Variants in ARHGEF3 observed in about 807,000 individuals in gnomAD.
ARHGEF3 encodes 59.8 kDA protein.
In ARHGEF3, 28 loss-of-function variants were observed where a neutral mutation model predicts 63.2. That is an observed-to-expected ratio of 0.44 (90% CI 0.33 to 0.61). The LOEUF is 0.61. Among genes scored for constraint, ARHGEF3 ranks in the 20% least tolerant of loss-of-function variants. The pLI is 0.03. For missense variants in ARHGEF3, 533 were observed against 659.3 expected (o/e 0.81, Z 2.10); for synonymous variants, 266 against 254.2 (o/e 1.05, Z -0.44).
chr3:56,739,489 C>T (rs2033871277), intron 7 of ARHGEF3, among the ~76,000 whole-genome samples: 1 of 150,872 alleles, frequency 6.6e-6, no homozygotes. Flanking sequence ...CAACCCCTGC[C>T]TCTTGGGCTC....
chr3:56,790,035 G>T (rs1179770948), intron 1 of ARHGEF3, among the ~76,000 whole-genome samples: 1 of 152,188 alleles, frequency 6.6e-6, no homozygotes, highest in South Asian at 2.1e-4. Context: ...GGGAAACAAT[G>T]AACTAATCCA....
At chr3:56,839,093 TG>T (rs1181232760) in intron 4 of ARHGEF3, among the ~76,000 whole-genome samples, 1 of 152,122 alleles carries the variant, frequency 6.6e-6, no homozygotes, top group Non-Finnish European at 1.5e-5. Context: ...GAGCTGTGAT[TG>T]TGCCACTGCA....
At chr3:56,823,405 T>C (rs1344142) in intron 4 of ARHGEF3, among the ~76,000 whole-genome samples, 77,541 of 151,894 alleles carry the variant, frequency 0.51, 20,195 homozygotes, top group Non-Finnish European at 0.55. Flanking sequence ...CAGCCAGGCA[T>C]ATCCTAACTG....
intron 2 of ARHGEF3, among the ~76,000 whole-genome samples, chr3:57,002,726 C>T (rs1376726504): frequency 1.3e-5 from 2 of 148,350 alleles, no homozygotes; most frequent in Non-Finnish European, 3.0e-5. Context: ...CTATTTAGCA[C>T]TTCATATATT....
intron 2 of ARHGEF3, among the ~76,000 whole-genome samples, chr3:56,969,752 C>CAAA (rs138504813): frequency 0.46 from 61,746 of 133,900 alleles, 14,647 homozygotes; most frequent in East Asian, 0.59. Flanking sequence ...GACTCCGTAT[C>CAAA]AAAAAAAAAA....
intron 3 of ARHGEF3, among the ~76,000 whole-genome samples, chr3:56,935,181 A>G (rs1207040336): frequency 2.0e-5 from 3 of 152,166 alleles, no homozygotes; most frequent in South Asian, 2.1e-4. Context: ...GGGTTTGTGA[A>G]TGCACCAATC....
At chr3:56,749,078 G>A (rs1376998202) in intron 6 of ARHGEF3, among the ~76,000 whole-genome samples, 5 of 152,038 alleles carry the variant, frequency 3.3e-5, no homozygotes, top group Non-Finnish European at 5.9e-5. Context: ...CCACTCAGAC[G>A]GACACATCTG....
At chr3:56,912,900 G>A (rs2041889069) in intron 3 of ARHGEF3, among the ~76,000 whole-genome samples, 1 of 152,222 alleles carries the variant, frequency 6.6e-6, no homozygotes, top group Admixed American at 6.5e-5. Context: ...CACTTTGGAA[G>A]GCCAAGGTGG....
chr3:56,991,085 T>C (rs58867172), intron 2 of ARHGEF3, among the ~76,000 whole-genome samples: 310 of 152,238 alleles, frequency 2.0e-3, no homozygotes, highest in African/African-American at 7.2e-3. Flanking sequence ...ATTCCTGCCA[T>C]GTCTTTTACC....
At chr3:56,787,716 C>T (rs985177059) in intron 1 of ARHGEF3, among the ~76,000 whole-genome samples, 29 of 117,330 alleles carry the variant, frequency 2.5e-4, no homozygotes, top group African/African-American at 1.2e-3. Flanking sequence ...ACAACTTCCT[C>T]TGATAATAAT....
At chr3:56,814,444 C>G (rs542403985) in intron 4 of ARHGEF3, among the ~76,000 whole-genome samples, 15 of 152,198 alleles carry the variant, frequency 9.9e-5, no homozygotes, top group African/African-American at 3.4e-4. Context: ...GTTCAAATAC[C>G]AAGTTTTCAC....
intron 2 of ARHGEF3, among the ~76,000 whole-genome samples, chr3:56,987,573 C>A (rs1022531526): frequency 2.0e-5 from 3 of 152,108 alleles, no homozygotes; most frequent in African/African-American, 7.2e-5. Flanking sequence ...CTGGGCATGC[C>A]CTTAGCTAAG....
intron 4 of ARHGEF3, among the ~76,000 whole-genome samples, chr3:56,875,783 G>C (rs558056122): frequency 3.9e-5 from 6 of 152,322 alleles, no homozygotes; most frequent in Admixed American, 3.3e-4. Flanking sequence ...TTCAGCACCT[G>C]CTACGGGCAA....
intron 8 of ARHGEF3, among the ~76,000 whole-genome samples, chr3:56,735,817 G>T (rs2033580798): frequency 6.6e-6 from 1 of 152,170 alleles, no homozygotes; most frequent in Non-Finnish European, 1.5e-5. Flanking sequence ...CCACTGGATG[G>T]ATCCACAGCA....
chr3:56,971,866 A>T (rs549141157), intron 2 of ARHGEF3, among the ~76,000 whole-genome samples: 1 of 152,066 alleles, frequency 6.6e-6, no homozygotes, highest in South Asian at 2.1e-4. Flanking sequence ...AAAATAAAAA[A>T]AAATTTTAAA....
At chr3:56,883,307 T>G (rs997875957) in intron 3 of ARHGEF3, among the ~76,000 whole-genome samples, 5 of 151,912 alleles carry the variant, frequency 3.3e-5, no homozygotes, top group South Asian at 2.1e-4. Context: ...TTTTTCTTTT[T>G]TTTTTTTTTT....
intron 2 of ARHGEF3, among the ~76,000 whole-genome samples, chr3:57,007,989 T>G (rs1702533020): frequency 6.6e-6 from 1 of 152,174 alleles, no homozygotes; most frequent in Non-Finnish European, 1.5e-5. Flanking sequence ...GTTTGTGCCA[T>G]GGTCCAGGGG....
intron 2 of ARHGEF3, among the ~76,000 whole-genome samples, chr3:57,012,388 A>T (rs138534435): frequency 2.8e-4 from 43 of 152,192 alleles, no homozygotes; most frequent in South Asian, 6.2e-4. Context: ...CCTCCGGAGC[A>T]GCTGGGATTA....
At chr3:56,825,217 A>G (rs2038667797) in intron 4 of ARHGEF3, among the ~76,000 whole-genome samples, 1 of 152,242 alleles carries the variant, frequency 6.6e-6, no homozygotes, top group Non-Finnish European at 1.5e-5. Context: ...CAGGCATGGT[A>G]AACGTCAGCT....
Sources: gnomAD v4.1 joint callset for allele counts (sites outside exome capture counted in the v4.1 genomes callset) on GRCh38, gnomAD v4.1.1 for gene constraint, MANE v1.5 for transcripts, NCBI Gene and HGNC (gene_info 2026-07-23, HGNC 2026-07-21) for gene names.